NTM: variants seen among roughly 807,000 people sequenced by gnomAD.
The protein encoded by NTM is IgLON family member 2.
Under a neutral mutation model 42.1 loss-of-function variants are expected in NTM, and 13 were observed. The ratio of observed to expected loss-of-function variants is 0.31; its 90% CI spans 0.20 to 0.49. NTM has a LOEUF of 0.49. Ranked by LOEUF, NTM falls within the 20% of genes least tolerant of loss-of-function variation. The pLI is 0.99. For synonymous variants in NTM, 187 were observed against 179.2 expected (o/e 1.04, Z -0.35); for missense variants, 373 against 452.8 (o/e 0.82, Z 1.60).
At chr11:131,844,656 T>G (rs1222492965) in intron 1 of NTM, among the ~76,000 whole-genome samples, 1 of 152,190 alleles carries the variant, frequency 6.6e-6, no homozygotes, top group Non-Finnish European at 1.5e-5. Context: ...TCAATAGAGT[T>G]TTGTAATTTT....
At chr11:131,432,894 G>GCA (rs1193328774) in intron 1 of NTM, among the ~76,000 whole-genome samples, 2 of 98,752 alleles carry the variant, frequency 2.0e-5, no homozygotes, top group Non-Finnish European at 3.9e-5. Context: ...CACTCTGTTT[G>GCA]CCCAGGCTGG....
chr11:132,202,259 T>C (rs1437942118), intron 3 of NTM, among the ~76,000 whole-genome samples: 1 of 152,168 alleles, frequency 6.6e-6, no homozygotes, highest in Non-Finnish European at 1.5e-5. Flanking sequence ...AATCATGCCT[T>C]AGGAGTTACG....
In NTM at chr11:131,370,650, C is replaced by G. The variant is rs1227678471; in HGVS notation, c.-157C>G. On this transcript the variant is annotated 5_prime_UTR_variant, in exon 1 of 9. Transcript: ENST00000683400. ...TGGAGATAATTACGGAGAAGTCATA[C>G]TCTCTCACACCCTCGGCTTTCTTGT... 6.4e-6 allele frequency: 4 copies of G among 629,764 alleles called. No individual in the cohort carries two copies. The highest frequency in any genetic ancestry group is 1.1e-5 in the Non-Finnish European group (4 of 362,936). 39.0% of individuals were successfully genotyped at this position (629,764 alleles called of 1,614,324 possible). A position where few individuals can be genotyped will look rare whatever the true frequency, so the allele number is the denominator to read the frequency against.
intron 1 of NTM, among the ~76,000 whole-genome samples, chr11:131,666,873 G>A (rs2069152304): frequency 6.6e-6 from 1 of 152,202 alleles, no homozygotes; most frequent in Admixed American, 6.5e-5. Context: ...AACATTTCTG[G>A]AAGCTGAGCT....
chr11:132,166,516 GC>G (rs1394968547), intron 3 of NTM, among the ~76,000 whole-genome samples: 1 of 152,156 alleles, frequency 6.6e-6, no homozygotes, highest in Non-Finnish European at 1.5e-5. Flanking sequence ...ATTAGAGAGT[GC>G]AGTGTAGAGA....
intron 1 of NTM, among the ~76,000 whole-genome samples, chr11:131,460,541 C>G (rs7128947): frequency 0.29 from 43,859 of 151,916 alleles, 6,376 homozygotes; most frequent in South Asian, 0.33. Context: ...CAGGAGAGTG[C>G]TTTCTTTCTT....
chr11:131,647,392 C>G (rs7943811), intron 1 of NTM, among the ~76,000 whole-genome samples: 1 of 152,136 alleles, frequency 6.6e-6, no homozygotes, highest in Non-Finnish European at 1.5e-5. Context: ...GGGATGGCTT[C>G]GCAATGGGCA....
intron 1 of NTM, among the ~76,000 whole-genome samples, chr11:131,392,420 G>C (rs1944128160): frequency 1.3e-5 from 2 of 151,940 alleles, no homozygotes; most frequent in Non-Finnish European, 2.9e-5. Context: ...TGAAGGGATG[G>C]GAGTCCTCTG....
At chr11:131,995,688 G>A (rs544440372) in intron 2 of NTM, among the ~76,000 whole-genome samples, 9 of 152,146 alleles carry the variant, frequency 5.9e-5, no homozygotes, top group African/African-American at 1.9e-4. Context: ...TCTAGGTCCT[G>A]TTGCTTGCTA....
intron 1 of NTM, among the ~76,000 whole-genome samples, chr11:131,613,456 C>T (rs2061632874): frequency 6.6e-6 from 1 of 152,182 alleles, no homozygotes; most frequent in African/African-American, 2.4e-5. Context: ...TCAGGTGGCT[C>T]CTGGGGACAA....
intron 1 of NTM, among the ~76,000 whole-genome samples, chr11:131,733,938 C>T (rs1381544312): frequency 6.6e-6 from 1 of 152,054 alleles, no homozygotes; most frequent in African/African-American, 2.4e-5. Context: ...TTTCAGATTA[C>T]CTGATATTAT....
chr11:132,109,847 G>A (rs2062928819), intron 2 of NTM, among the ~76,000 whole-genome samples: 1 of 152,260 alleles, frequency 6.6e-6, no homozygotes, highest in Middle Eastern at 3.4e-3. Flanking sequence ...TTGTGCCTTT[G>A]GCATCCTCAT....
chr11:131,459,498 A>C (rs1005721329), intron 1 of NTM, among the ~76,000 whole-genome samples: 4 of 150,612 alleles, frequency 2.7e-5, no homozygotes, highest in Non-Finnish European at 5.9e-5. Flanking sequence ...AGAAAGAAAG[A>C]CTATAGAAAA....
chr11:132,205,764 A>G (rs1294315228), intron 3 of NTM, among the ~76,000 whole-genome samples: 1 of 152,074 alleles, frequency 6.6e-6, no homozygotes, highest in Non-Finnish European at 1.5e-5. Context: ...TCTGCTCTTT[A>G]CCTTTCATGT....
At chr11:132,000,255 C>T (rs1395896683) in intron 2 of NTM, among the ~76,000 whole-genome samples, 3 of 152,208 alleles carry the variant, frequency 2.0e-5, no homozygotes, top group Non-Finnish European at 4.4e-5. Flanking sequence ...ATAGCCTCCT[C>T]CCAAAGATAG....
intron 2 of NTM, among the ~76,000 whole-genome samples, chr11:132,124,067 G>A (rs1425839518): frequency 6.6e-6 from 1 of 152,156 alleles, no homozygotes; most frequent in Non-Finnish European, 1.5e-5. Context: ...ACCACACAGA[G>A]TGGCCGTGTG....
chr11:131,915,992 G>A (rs975719250), intron 2 of NTM, among the ~76,000 whole-genome samples: 37 of 152,338 alleles, frequency 2.4e-4, no homozygotes, highest in East Asian at 9.6e-4. Flanking sequence ...GTGGAAAGGC[G>A]TACGGCCTGG....
At chr11:131,877,794 G>A (rs1592476530) in intron 1 of NTM, 4 of 152,124 alleles carry the variant, frequency 2.6e-5, no homozygotes, top group South Asian at 2.1e-4. Context: ...CGCCCTCTAC[G>A]TCTGATACCA....
intron 2 of NTM, among the ~76,000 whole-genome samples, chr11:132,082,326 G>C (rs1490180149): frequency 6.6e-6 from 1 of 152,112 alleles, no homozygotes; most frequent in Non-Finnish European, 1.5e-5. Flanking sequence ...CCTGCATTCA[G>C]GTTTCCCCCT....
Sources: gnomAD v4.1 joint callset for allele counts (sites outside exome capture counted in the v4.1 genomes callset) on GRCh38, gnomAD v4.1.1 for gene constraint, MANE v1.5 for transcripts, NCBI Gene and HGNC (gene_info 2026-07-23, HGNC 2026-07-21) for gene names.